DRICH1: variants seen among roughly 807,000 people sequenced by gnomAD.
DRICH1 encodes aspartate rich 1, also known as aspartate-rich protein 1.
In DRICH1, 38 loss-of-function variants were observed where a neutral mutation model predicts 39.5. The ratio of observed to expected loss-of-function variants is 0.96; its 90% CI spans 0.74 to 1.26. The LOEUF is 1.26. Among genes scored for constraint, DRICH1 ranks in the 50% most tolerant of loss-of-function variants. The pLI is 0.00. For synonymous variants in DRICH1, 84 were observed against 99.5 expected (o/e 0.84, Z 0.93); for missense variants, 279 against 270.4 (o/e 1.03, Z -0.22).
the DRICH1 span, among the ~76,000 whole-genome samples, chr22:23,589,440 C>T: frequency 1.3e-5 from 2 of 151,644 alleles, no homozygotes; most frequent in African/African-American, 4.8e-5. Flanking sequence ...GACAGAGCAA[C>T]ACTGTCTCAT....
downstream of DRICH1, among the ~76,000 whole-genome samples, chr22:23,607,477 C>T (rs1314385966): frequency 2.6e-5 from 4 of 151,788 alleles, no homozygotes; most frequent in African/African-American, 9.7e-5. Flanking sequence ...TGAGGATGGG[C>T]CAGTCACCGA....
chr22:23,631,837 T>G lies in DRICH1; in HGVS notation c.187A>C (p.Ser63Arg). Residue 63 changes from serine (S) to arginine (R), a missense_variant, in exon 1 of 12, where the codon AGC becomes CGC. Transcript: ENST00000317749. The stretch of plus-strand genomic sequence containing the variant: ...TTACCTGTGGGCATCTTTTGGTTGC[T>G]GATGTGCTGCAGGTCTTGGCCCTCC... ...ATEGQDLQHI[S>R]NQKMPTGPPE... 6.2e-7 allele frequency: 1 copy of G among 1,612,312 alleles called. No homozygotes were observed. Among genetic ancestry groups the G allele is most frequent in the Non-Finnish European group, 8.5e-7 (1 of 1,180,016 alleles).
At chr22:23,613,161 C>A in intron 11 of DRICH1, 128 bp downstream of exon 11, 3 of 739,810 alleles carry the variant, frequency 4.1e-6, no homozygotes, top group South Asian at 1.5e-5. Context: ...CCAGACCTCA[C>A]ACATATTTCC....
chr22:23,593,039 G>GA, the DRICH1 span, among the ~76,000 whole-genome samples: 79 of 139,736 alleles, frequency 5.7e-4, no homozygotes, highest in African/African-American at 7.1e-4. Context: ...TCAAAAAAAA[G>GA]AAAAAAAAAA....
At position 23,632,126 on chromosome 22, in the gene DRICH1, A is replaced by T. The variant is rs531469265; in HGVS notation, c.-103T>A. On this transcript the variant is annotated 5_prime_UTR_variant, in exon 1 of 12. Transcript: ENST00000317749. ...CTGAGGGTGGCCCTGCACTTTTAGA[A>T]GCAGCCTGACCCCAGGCAGATCTGG... 2 of 1,534,506 alleles carry T rather than the reference A, an allele frequency of 1.3e-6. No homozygotes were observed. The highest frequency in any genetic ancestry group is 2.7e-5 in the African/African-American group (2 of 73,256).
At chr22:23,588,691 C>T in the DRICH1 span, among the ~76,000 whole-genome samples, 3 of 152,210 alleles carry the variant, frequency 2.0e-5, no homozygotes, top group Non-Finnish European at 2.9e-5. Flanking sequence ...CCTGGGCAGG[C>T]CCAGCCCCTC....
chr22:23,609,482 G>C (rs1926916674), intron 11 of DRICH1, among the ~76,000 whole-genome samples: 1 of 152,172 alleles, frequency 6.6e-6, no homozygotes, highest in African/African-American at 2.4e-5. Context: ...CCTGCATCCT[G>C]CAGGTGCCTG....
chr22:23,631,740 G>A, intron 1 of DRICH1, 76 bp downstream of exon 1: 1 of 1,190,876 alleles, frequency 8.4e-7, no homozygotes, highest in East Asian at 2.4e-5. Context: ...GATGTCTCTG[G>A]GGATGAGGGT....
chr22:23,620,403 C>T (rs979586057), intron 5 of DRICH1, among the ~76,000 whole-genome samples, 191 bp downstream of exon 5: 2 of 152,118 alleles, frequency 1.3e-5, no homozygotes, highest in Admixed American at 6.5e-5. Flanking sequence ...CACTGGCTCA[C>T]ACAAAATCTC....
chr22:23,627,714 G>A (rs1482333634), intron 1 of DRICH1, among the ~76,000 whole-genome samples: 1 of 152,178 alleles, frequency 6.6e-6, no homozygotes, highest in Non-Finnish European at 1.5e-5. Flanking sequence ...AGCAGCAGGA[G>A]CCAAGGGGCA....
At position 23,621,964 on chromosome 22, in the gene DRICH1, A is replaced by C; in HGVS notation, c.384+127T>G. The C allele has an allele frequency of 4.6e-6, 4 of 861,218 alleles. No individual in the cohort carries two copies. In the South Asian group the frequency reaches 4.7e-5, roughly 10 times the overall value. The allele number at this position is 861,218 out of a possible 1,614,324, so 53.3% of individuals were successfully genotyped here. A position where few individuals can be genotyped will look rare whatever the true frequency, so the allele number is the denominator to read the frequency against. On this transcript the variant is annotated intron_variant, in intron 4 of 11. Transcript: ENST00000317749. ...AAGAAAAGAAAAAAGAAACAAAGAA[A>C]GGAAAGAAAATCTCACTTTTGTTGT...
chr22:23,616,334 GA>G (rs1927345663), intron 8 of DRICH1, among the ~76,000 whole-genome samples: 1 of 152,076 alleles, frequency 6.6e-6, no homozygotes, highest in Admixed American at 6.6e-5. Flanking sequence ...AGAGGTGATC[GA>G]AAACACAGGA....
intron 1 of DRICH1, among the ~76,000 whole-genome samples, chr22:23,629,237 C>T (rs1423574311): frequency 6.6e-6 from 1 of 152,190 alleles, no homozygotes; most frequent in African/African-American, 2.4e-5. Flanking sequence ...CAGGGTTTCG[C>T]CAGGTTGGCC....
Position 23,614,150 on chromosome 22 carries a change from A to ATCT in DRICH1, c.603_605dup (p.Glu201dup), listed in dbSNP as rs751854466. On this transcript the variant is annotated inframe_insertion, in exon 9 of 12. Coordinates refer to ENST00000317749, the MANE Select transcript of DRICH1 (RefSeq NM_016449.4). The stretch of plus-strand genomic sequence containing the variant: ...GAGGTCTTACGTGGATGTCATCATC[A>ATCT]TCTTCTTCTTCTTCATCTTTGTGTC... The ATCT allele has an allele frequency of 4.8e-5, 77 of 1,611,682 alleles. No homozygotes were observed. The highest frequency in any genetic ancestry group is 6.4e-5 in the Non-Finnish European group (75 of 1,177,858).
chr22:23,611,319 A>G (rs1448039699), intron 11 of DRICH1, among the ~76,000 whole-genome samples: 1 of 152,018 alleles, frequency 6.6e-6, no homozygotes, highest in African/African-American at 2.4e-5. Flanking sequence ...TCTCAAAGTG[A>G]TTGTGACACT....
At chr22:23,620,496 C>A in intron 5 of DRICH1, 98 bp downstream of exon 5, 1 of 1,355,698 alleles carries the variant, frequency 7.4e-7, no homozygotes, top group South Asian at 1.2e-5. Context: ...GCTCTCACCA[C>A]ACCCCCAATA....
At chr22:23,628,816 C>G (rs190658088) in intron 1 of DRICH1, among the ~76,000 whole-genome samples, 5 of 152,254 alleles carry the variant, frequency 3.3e-5, no homozygotes, top group Non-Finnish European at 5.9e-5. Flanking sequence ...TCTGCCCCCC[C>G]ACCAATTTCT....
Position 23,631,813 on chromosome 22 carries a change from T to C in DRICH1, c.208+3A>G. The stretch of plus-strand genomic sequence containing the variant: ...GGGTAAACGGCACCCGTGGCTTTTT[T>C]ACCTGTGGGCATCTTTTGGTTGCTG... On this transcript the variant is annotated splice_donor_region_variant and intron_variant, in intron 1 of 11. Transcript: ENST00000317749. The C allele has an allele frequency of 4.3e-6, 7 of 1,611,994 alleles. No individual in the cohort carries two copies. Among genetic ancestry groups the C allele is most frequent in the African/African-American group, 2.7e-5 (2 of 74,948 alleles).
intron 1 of DRICH1, chr22:23,630,879 G>A (rs1240690414): frequency 1.3e-5 from 2 of 152,116 alleles, no homozygotes; most frequent in Admixed American, 6.5e-5. Context: ...AGTCCCCTGC[G>A]AACCATCACT....
Sources: allele counts gnomAD v4.1 joint callset (sites outside exome capture counted in the v4.1 genomes callset), GRCh38; gene constraint gnomAD v4.1.1; transcripts MANE v1.5; gene names NCBI Gene and HGNC (gene_info 2026-07-23, HGNC 2026-07-21).